The following ZFHX3 variants were observed in gnomAD, a reference collection of about 807,000 sequenced individuals.
ZFHX3 encodes zinc finger homeobox 3.
A neutral mutation model predicts 279.1 loss-of-function variants in ZFHX3; 42 were observed. That is an observed-to-expected ratio of 0.15 (90% CI 0.12 to 0.19). The LOEUF is 0.19. Ranked by LOEUF, ZFHX3 falls within the 10% of genes least tolerant of loss-of-function variation. The pLI is 1.00. For synonymous variants in ZFHX3, 2,293 were observed against 1,957.8 expected (o/e 1.17, Z -4.52); for missense variants, 4,981 against 4,754.0 (o/e 1.05, Z -1.40).
exon 1 of ZFHX3, chr16:73,059,276 T>C (rs1322806005): frequency 2.1e-5 from 3 of 139,694 alleles, no homozygotes; most frequent in Non-Finnish European, 4.6e-5. Flanking sequence ...GAAGAGAGGA[T>C]GGGAGAAGAG....
intron 2 of ZFHX3, among the ~76,000 whole-genome samples, chr16:73,522,930 C>T (rs1437966732): frequency 6.6e-6 from 1 of 152,124 alleles, no homozygotes; most frequent in Admixed American, 6.5e-5. Flanking sequence ...CCTTATAAAA[C>T]CATCAGATCT....
At chr16:73,403,704 C>T (rs116398047) in intron 3 of ZFHX3, among the ~76,000 whole-genome samples, 2,363 of 152,228 alleles carry the variant, frequency 0.016, 55 homozygotes, top group African/African-American at 0.041. Context: ...AAAGGCTGGC[C>T]GGTGGCGAAC....
intron 1 of ZFHX3, among the ~76,000 whole-genome samples, chr16:73,035,801 G>A (rs1384206805): frequency 6.6e-6 from 1 of 152,222 alleles, no homozygotes; most frequent in Non-Finnish European, 1.5e-5. Context: ...CTACTCGGGA[G>A]GCTGAGGCAG....
intron 7 of ZFHX3, among the ~76,000 whole-genome samples, chr16:72,803,924 C>T (rs4788658): frequency 0.015 from 2,217 of 152,306 alleles, 26 homozygotes; most frequent in South Asian, 0.037. Flanking sequence ...CGTTTTCCTC[C>T]CAAACCTTCT....
chr16:73,516,330 C>T (rs35513695), intron 2 of ZFHX3, among the ~76,000 whole-genome samples: 8,294 of 152,198 alleles, frequency 0.054, 254 homozygotes, highest in South Asian at 0.1. Context: ...AAAGAAAATA[C>T]GAGTGTGTGT....
At chr16:72,864,329 A>T (rs1013136110) in intron 4 of ZFHX3, among the ~76,000 whole-genome samples, 1 of 152,162 alleles carries the variant, frequency 6.6e-6, no homozygotes, top group Admixed American at 6.5e-5. Context: ...GGCTTTGAAG[A>T]TACCTGGCAC....
chr16:73,630,436 C>T (rs984907899), intron 2 of ZFHX3, among the ~76,000 whole-genome samples: 2 of 152,194 alleles, frequency 1.3e-5, no homozygotes, highest in South Asian at 4.1e-4. Flanking sequence ...CTTCACCTTG[C>T]TATGGAGCAG....
intron 1 of ZFHX3, among the ~76,000 whole-genome samples, chr16:73,874,086 CTCTG>C (rs936430574): frequency 1.3e-5 from 2 of 152,118 alleles, no homozygotes; most frequent in Non-Finnish European, 2.9e-5. Flanking sequence ...CCATTTCTTC[CTCTG>C]TCTGTGAACA....
rs534990520 is a variant in ZFHX3, at chr16:73,209,438, A to G, written c.-1104+47609T>C. Among the ~76,000 whole-genome samples, 17 of 152,306 alleles carry G rather than the reference A, an allele frequency of 1.1e-4. 1 individual carries two copies. Among genetic ancestry groups the G allele is most frequent in the South Asian group, 2.1e-4 (1 of 4,820 alleles). ...TCTGGTGAGAGCCTGGTCACTGCTT[A>G]CAAGATGTTGCCTTGAATGCCGCAT... On this transcript the variant is annotated intron_variant, in intron 5 of 17. Transcript: ENST00000641206.
chr16:73,252,903 G>C (rs2013552534), intron 5 of ZFHX3, among the ~76,000 whole-genome samples: 1 of 152,214 alleles, frequency 6.6e-6, no homozygotes, highest in Non-Finnish European at 1.5e-5. Flanking sequence ...AAGGCCACCG[G>C]AGTCCAAAGA....
At chr16:72,862,508 T>C (rs1316618149) in intron 4 of ZFHX3, among the ~76,000 whole-genome samples, 1 of 152,116 alleles carries the variant, frequency 6.6e-6, no homozygotes, top group Non-Finnish European at 1.5e-5. Flanking sequence ...AGAATGAGAA[T>C]ATCATCATTT....
intron 7 of ZFHX3, chr16:72,809,350 C>T (rs1037264475): frequency 6.6e-6 from 1 of 152,130 alleles, no homozygotes; most frequent in Admixed American, 6.5e-5. Flanking sequence ...CTTTCAGGCT[C>T]CCATGGTTCT....
chr16:72,994,384 G>A (rs1334005121), intron 1 of ZFHX3, among the ~76,000 whole-genome samples: 1 of 152,204 alleles, frequency 6.6e-6, no homozygotes, highest in Non-Finnish European at 1.5e-5. Context: ...TCCTGGGATG[G>A]AATGACTTCC....
At chr16:73,062,713 C>T (rs563631578), upstream of ZFHX3, among the ~76,000 whole-genome samples, 37 of 96,404 alleles carry the variant, frequency 3.8e-4, no homozygotes, top group Non-Finnish European at 7.7e-4. Flanking sequence ...ATTGGGGACA[C>T]AGAAGCAAAA....
At chr16:73,877,734 C>T (rs2030000067) in intron 1 of ZFHX3, among the ~76,000 whole-genome samples, 1 of 151,820 alleles carries the variant, frequency 6.6e-6, no homozygotes, top group African/African-American at 2.4e-5. Context: ...GGATTTTGTT[C>T]GGAGGAAAAA....
At chr16:72,923,337 C>A (rs1194449671) in intron 3 of ZFHX3, among the ~76,000 whole-genome samples, 1 of 150,510 alleles carries the variant, frequency 6.6e-6, no homozygotes, top group Non-Finnish European at 1.5e-5. Flanking sequence ...TCCAGCTACT[C>A]GGGAGGCAGA....
intron 2 of ZFHX3, among the ~76,000 whole-genome samples, chr16:72,954,729 A>G (rs1218008738): frequency 1.3e-5 from 2 of 152,184 alleles, no homozygotes; most frequent in Admixed American, 6.5e-5. Flanking sequence ...CCTCAAATCT[A>G]ATGTGCTGTC....
intron 8 of ZFHX3, among the ~76,000 whole-genome samples, chr16:73,074,729 C>T (rs747364770): frequency 1.7e-4 from 26 of 151,690 alleles, no homozygotes; most frequent in Admixed American, 4.6e-4. Flanking sequence ...AGGATCAGAT[C>T]GCATTGAAAC....
intron 2 of ZFHX3, among the ~76,000 whole-genome samples, chr16:73,667,237 G>A (rs573663548): frequency 1.9e-4 from 29 of 152,136 alleles, no homozygotes; most frequent in African/African-American, 6.0e-4. Flanking sequence ...TGATCCACCC[G>A]CCTCAGCCTC....
Sources: gnomAD v4.1 joint callset for allele counts (sites outside exome capture counted in the v4.1 genomes callset) on GRCh38, gnomAD v4.1.1 for gene constraint, MANE v1.5 for transcripts, NCBI Gene and HGNC (gene_info 2026-07-23, HGNC 2026-07-21) for gene names.